The following CCL22 variants were observed in gnomAD, a reference collection of about 807,000 sequenced individuals.
CCL22 encodes the protein C-C motif chemokine ligand 22, also known as C-C motif chemokine 22.
A neutral mutation model predicts 7.6 loss-of-function variants in CCL22; 7 were observed. The observed-to-expected ratio is 0.92, with a 90% CI of 0.52 to 1.72. The LOEUF is 1.72. CCL22 is among the 40% of genes most tolerant of loss of function. The pLI is 0.00. For synonymous variants in CCL22, 55 were observed against 47.2 expected (o/e 1.17, Z -0.68); for missense variants, 115 against 124.7 (o/e 0.92, Z 0.37).
At chr16:57,358,595 AG>A (rs3214179), upstream of CCL22, among the ~76,000 whole-genome samples, 72,852 of 152,096 alleles carry the variant, frequency 0.48, 20,368 homozygotes, top group Non-Finnish European at 0.61. Flanking sequence ...GACAGAGTTG[AG>A]GGGGGGTCCC....
At chr16:57,361,741 T>G (rs1452302704) in intron 2 of CCL22, among the ~76,000 whole-genome samples, 1 of 152,150 alleles carries the variant, frequency 6.6e-6, no homozygotes, top group African/African-American at 2.4e-5. Flanking sequence ...CTACCAAATC[T>G]CACACCTGGG....
intron 2 of CCL22, among the ~76,000 whole-genome samples, chr16:57,362,864 AAAAAC>A (rs143319109): frequency 0.79 from 119,192 of 150,972 alleles, 50,653 homozygotes; most frequent in Non-Finnish European, 0.95. Context: ...CTCAAAAAAT[AAAAAC>A]AAAACAAAAC....
chr16:57,359,543 T>C (rs1344523530), intron 1 of CCL22, among the ~76,000 whole-genome samples: 1 of 151,842 alleles, frequency 6.6e-6, no homozygotes, highest in African/African-American at 2.4e-5. Context: ...CTCAAACTCC[T>C]GACCTCAGAT....
intron 2 of CCL22, among the ~76,000 whole-genome samples, chr16:57,361,060 G>C (rs1902043691): frequency 6.6e-6 from 1 of 152,150 alleles, no homozygotes; most frequent in Non-Finnish European, 1.5e-5. Flanking sequence ...AGGAGTTCAA[G>C]ATCAGCCTGG....
chr16:57,361,723 C>G (rs1368198641), intron 2 of CCL22, among the ~76,000 whole-genome samples: 1 of 152,224 alleles, frequency 6.6e-6, no homozygotes, highest in African/African-American at 2.4e-5. Flanking sequence ...CTGCTCAGAG[C>G]CTGCTGCCTA....
At chr16:57,357,948 C>T (rs765109961), upstream of CCL22, among the ~76,000 whole-genome samples, 10 of 152,110 alleles carry the variant, frequency 6.6e-5, no homozygotes, top group Non-Finnish European at 1.2e-4. Context: ...TGGGGAGCCA[C>T]GGCAGGGTTC....
intron 2 of CCL22, among the ~76,000 whole-genome samples, chr16:57,362,797 G>A (rs1902063583): frequency 6.6e-6 from 1 of 152,026 alleles, no homozygotes; most frequent in Non-Finnish European, 1.5e-5. Context: ...GGAGTTGGAG[G>A]TTGCAGTGAG....
At chr16:57,360,388 G>GA (rs748997770) in intron 1 of CCL22, 49 bp from the exon 2 acceptor site, 13 of 1,440,892 alleles carry the variant, frequency 9.0e-6, no homozygotes, top group Non-Finnish European at 1.3e-5. Context: ...GGCCGAGGGT[G>GA]ACCTCTCTGG....
intron 2 of CCL22, among the ~76,000 whole-genome samples, chr16:57,362,844 G>GA (rs1902064129): frequency 6.7e-6 from 1 of 149,868 alleles, no homozygotes; most frequent in Non-Finnish European, 1.5e-5. Flanking sequence ...CTGGGTGACA[G>GA]AGACTCCATC....
rs1411476387 is a variant in CCL22, at chr16:57,363,828, G to A, written c.*240G>A. 9 of 489,440 alleles carry A rather than the reference G, an allele frequency of 1.8e-5. No homozygotes were observed. The highest frequency in any genetic ancestry group is 1.5e-4 in the African/African-American group (8 of 51,620). 30.3% of individuals were successfully genotyped at this position (489,440 alleles called of 1,614,324 possible). On this transcript the variant is annotated 3_prime_UTR_variant, in exon 3 of 3. Transcript: ENST00000219235. ...GTCAGAGGGTCCTGTTCCCATCAGC[G>A]ATTCCCCTGCTTAAACCCTTCCATG...
chr16:57,363,118 C>T (rs1317466286), intron 2 of CCL22, among the ~76,000 whole-genome samples: 1 of 152,072 alleles, frequency 6.6e-6, no homozygotes, highest in Non-Finnish European at 1.5e-5. Flanking sequence ...ACCTCAGCCT[C>T]CCAAGTAGCT....
chr16:57,362,753 C>G (rs1197714653), intron 2 of CCL22, among the ~76,000 whole-genome samples: 5 of 151,138 alleles, frequency 3.3e-5, no homozygotes, highest in African/African-American at 9.7e-5. Context: ...CCCGGCTACT[C>G]GGGAGCCTGA....
In CCL22 at chr16:57,364,793, A is replaced by ACTCCC. The variant is rs1555509459; in HGVS notation, c.*1206_*1207insTCCCC. ...AGTGCCTGGCCTCTTCCCTCTCCCC[A>ACTCCC]CCCCCCCCCCAACTTTTTTTTTTTT... On this transcript the variant is annotated 3_prime_UTR_variant, in exon 3 of 3. Transcript: ENST00000219235. 16 of 33,626 alleles carry ACTCCC rather than the reference A, an allele frequency of 4.8e-4. No individual in the cohort carries two copies. The highest frequency in any genetic ancestry group is 7.8e-4 in the Non-Finnish European group (11 of 14,090). The allele number at this position is 33,626 out of a possible 1,614,324, so 2.1% of individuals were successfully genotyped here. A position where few individuals can be genotyped will look rare whatever the true frequency, so the allele number is the denominator to read the frequency against.
At chr16:57,360,646 C>CCCA in intron 2 of CCL22, 86 bp downstream of exon 2, 4 of 1,517,396 alleles carry the variant, frequency 2.6e-6, no homozygotes, top group Non-Finnish European at 3.6e-6. Context: ...GTGGGACACA[C>CCCA]CCAGGGATGA....
intron 1 of CCL22, among the ~76,000 whole-genome samples, chr16:57,360,007 T>C (rs1902030693): frequency 6.6e-6 from 1 of 152,162 alleles, no homozygotes; most frequent in Non-Finnish European, 1.5e-5. Context: ...CTCTATACTT[T>C]TGCTGTGTTG....
In CCL22 at chr16:57,363,568, CT is replaced by C; in HGVS notation, c.263del (p.Leu88ProfsTer4). The C allele has an allele frequency of 6.2e-7, 1 of 1,613,066 alleles. No homozygotes were observed. The highest frequency in any genetic ancestry group is 1.1e-5 in the South Asian group (1 of 91,044). ...CAGAGTGCCCTGGGTGAAGATGATT[CT>C]CAATAAGCTGAGCCAATGAAGAGCC... ...DPRVPWVKMI[L>X]NKLSQ On this transcript the variant is annotated frameshift_variant, in exon 3 of 3. Transcript: ENST00000219235. LOFTEE classifies it high-confidence loss of function.
Position 57,364,793 on chromosome 16 carries a change from A to ACTCCCCC in CCL22, c.*1206_*1207insTCCCCCC, listed in dbSNP as rs1555509459. On this transcript the variant is annotated 3_prime_UTR_variant, in exon 3 of 3. Coordinates refer to ENST00000219235, the MANE Select transcript of CCL22 (RefSeq NM_002990.5). ...AGTGCCTGGCCTCTTCCCTCTCCCC[A>ACTCCCCC]CCCCCCCCCCAACTTTTTTTTTTTT... The ACTCCCCC allele has an allele frequency of 8.9e-5, 3 of 33,600 alleles. No individual in the cohort carries two copies. The highest frequency in any genetic ancestry group is 3.1e-4 in the Admixed American group (1 of 3,184). The allele number at this position is 33,600 out of a possible 1,614,324, so 2.1% of individuals were successfully genotyped here.
chr16:57,358,794 G>T lies in CCL22; in HGVS notation c.-23G>T, dbSNP rs1902016407. On this transcript the variant is annotated 5_prime_UTR_variant, in exon 1 of 3. Transcript: ENST00000219235. ...TCCTATGTCCCTTTGCAGACACCTG[G>T]GCTGAGACATACAGGACAGAGCATG... The T allele has an allele frequency of 6.3e-7, 1 of 1,587,064 alleles. No homozygotes were observed. Among genetic ancestry groups the T allele is most frequent in the Non-Finnish European group, 8.7e-7 (1 of 1,155,512 alleles).
chr16:57,363,810 G>T lies in CCL22; in HGVS notation c.*222G>T. On this transcript the variant is annotated 3_prime_UTR_variant, in exon 3 of 3. Transcript: ENST00000219235. ...TCTGCCTCCCTCCCTGCAGTCAGAG[G>T]GTCCTGTTCCCATCAGCGATTCCCC... The T allele has an allele frequency of 1.1e-5, 6 of 529,164 alleles. No individual in the cohort carries two copies. The highest frequency in any genetic ancestry group is 9.1e-5 in the South Asian group (4 of 43,820). 32.8% of individuals were successfully genotyped at this position (529,164 alleles called of 1,614,324 possible).
Sources: gnomAD v4.1 joint callset for allele counts (sites outside exome capture counted in the v4.1 genomes callset) on GRCh38, gnomAD v4.1.1 for gene constraint, MANE v1.5 for transcripts, NCBI Gene and HGNC (gene_info 2026-07-23, HGNC 2026-07-21) for gene names.